Variants in CWF19L2 observed in about 807,000 individuals in gnomAD.
The protein encoded by CWF19L2 is CWF19 like cell cycle control factor 2.
A neutral mutation model predicts 111.7 loss-of-function variants in CWF19L2; 98 were observed. The ratio of observed to expected loss-of-function variants is 0.88; its 90% CI spans 0.75 to 1.04. The LOEUF is 1.04. Among genes scored for constraint, CWF19L2 ranks in the 50% least tolerant of loss-of-function variants. CWF19L2 has a pLI of 0.00. For synonymous variants in CWF19L2, 351 were observed against 342.9 expected (o/e 1.02, Z -0.26); for missense variants, 1,101 against 1,051.4 (o/e 1.05, Z -0.65).
intron 11 of CWF19L2, among the ~76,000 whole-genome samples, chr11:107,391,856 T>C (rs932705749): frequency 1.3e-5 from 2 of 152,324 alleles, no homozygotes; most frequent in South Asian, 4.1e-4. Context: ...CTCTTGTCTT[T>C]TCATTATACT....
At chr11:107,405,560 A>T (rs1861064831) in intron 10 of CWF19L2, among the ~76,000 whole-genome samples, 1 of 146,132 alleles carries the variant, frequency 6.8e-6, no homozygotes, top group Non-Finnish European at 1.6e-5. Flanking sequence ...GAACTAACAA[A>T]AAAAACAGTA....
intron 12 of CWF19L2, among the ~76,000 whole-genome samples, chr11:107,362,646 G>C (rs1860372891): frequency 6.6e-6 from 1 of 151,406 alleles, no homozygotes; most frequent in South Asian, 2.1e-4. Context: ...CAAACAGAAA[G>C]GACATCCACA....
chr11:107,336,315 T>C (rs1405762303), intron 15 of CWF19L2, among the ~76,000 whole-genome samples: 1 of 152,048 alleles, frequency 6.6e-6, no homozygotes, highest in Non-Finnish European at 1.5e-5. Context: ...CCCAGTTAAT[T>C]TTTGTATTTT....
intron 12 of CWF19L2, among the ~76,000 whole-genome samples, chr11:107,357,601 TAC>T (rs1365650452): frequency 3.3e-5 from 5 of 152,212 alleles, no homozygotes; most frequent in Non-Finnish European, 7.4e-5. Context: ...TTGAAAATGA[TAC>T]AGTCTTGCCA....
chr11:107,398,741 C>G (rs7949914), intron 10 of CWF19L2, among the ~76,000 whole-genome samples: 5,582 of 152,246 alleles, frequency 0.037, 138 homozygotes, highest in East Asian at 0.11. Context: ...ATCAGGTTAT[C>G]CCAAGTTAAG....
intron 3 of CWF19L2, among the ~76,000 whole-genome samples, chr11:107,449,837 T>TA (rs1336888195): frequency 6.6e-6 from 1 of 152,062 alleles, no homozygotes; most frequent in African/African-American, 2.4e-5. Flanking sequence ...ATGGTAGACT[T>TA]AAACTCATCC....
At chr11:107,362,466 G>A (rs1444392866) in intron 12 of CWF19L2, among the ~76,000 whole-genome samples, 1 of 152,150 alleles carries the variant, frequency 6.6e-6, no homozygotes, top group Non-Finnish European at 1.5e-5. Context: ...CCAGCACGCA[G>A]CTGGAGATCT....
At chr11:107,441,908 G>A (rs1565286632) in intron 4 of CWF19L2, among the ~76,000 whole-genome samples, 1 of 152,164 alleles carries the variant, frequency 6.6e-6, no homozygotes, top group Non-Finnish European at 1.5e-5. Context: ...CACACAACAA[G>A]CAATCAAACT....
chr11:107,392,242 AT>A (rs1260927741), intron 11 of CWF19L2, among the ~76,000 whole-genome samples: 2 of 152,194 alleles, frequency 1.3e-5, no homozygotes, highest in Non-Finnish European at 2.9e-5. Context: ...CAAATTTAAA[AT>A]AAAAAAAACT....
chr11:107,361,643 G>C (rs969825328), intron 12 of CWF19L2, among the ~76,000 whole-genome samples: 2 of 152,150 alleles, frequency 1.3e-5, no homozygotes, highest in Non-Finnish European at 2.9e-5. Flanking sequence ...TGTCATCTAC[G>C]ATTTCTTTCA....
rs7106946 is a variant in CWF19L2 at position 107,335,679 on chromosome 11, G to A, written c.2359-718C>T. ...AGTAAGACTTCCTATGCTAAGCAATGTGACTACTATTTATGGTAAAGAAAT... is the reference window on the plus strand; with the variant it reads ...AGTAAGACTTCCTATGCTAAGCAATATGACTACTATTTATGGTAAAGAAAT... On this transcript the variant is annotated intron_variant, in intron 15 of 17. Transcript: ENST00000282251. Among the ~76,000 whole-genome samples, 561 of 152,268 alleles carry A rather than the reference G, an allele frequency of 3.7e-3. 2 individuals carry two copies. Among genetic ancestry groups the A allele is most frequent in the African/African-American group, 0.013 (524 of 41,558 alleles).
Position 107,375,408 on chromosome 11 carries a change from T to C in CWF19L2, c.1872+14666A>G, listed in dbSNP as rs1369007269. On this transcript the variant is annotated intron_variant, in intron 12 of 17. Coordinates refer to ENST00000282251, the MANE Select transcript of CWF19L2 (RefSeq NM_152434.3). ...TCAGCAAATGTAAAAGAACAGAAAT[T>C]ATAACAAATTCTCTCTCAGACCACA... Among the ~76,000 whole-genome samples, 26 of 138,284 alleles carry C rather than the reference T, an allele frequency of 1.9e-4. 3 individuals carry two copies. The highest frequency in any genetic ancestry group is 7.4e-3 in the Middle Eastern group (2 of 272). The allele number at this position is 138,284 out of a possible 152,430, so 90.7% of individuals were successfully genotyped here.
At chr11:107,372,986 T>C (rs1164619864) in intron 12 of CWF19L2, among the ~76,000 whole-genome samples, 4 of 78,398 alleles carry the variant, frequency 5.1e-5, no homozygotes, top group African/African-American at 3.4e-4. Context: ...GGGAGTTCCC[T>C]TTCTGAGTCA....
chr11:107,433,763 T>A lies in CWF19L2; in HGVS notation c.665-14A>T, dbSNP rs1242145025. 2 of 1,334,534 alleles carry A rather than the reference T, an allele frequency of 1.5e-6. No individual in the cohort carries two copies. Among genetic ancestry groups the A allele is most frequent in the South Asian group, 2.7e-5 (2 of 74,866 alleles). 82.7% of individuals were successfully genotyped at this position (1,334,534 alleles called of 1,614,324 possible). ...CTACCACTGAAACTAAATTCCAGTA[T>A]TAAATATTAGTTATACTTTTAATGT... On this transcript the variant is annotated splice_polypyrimidine_tract_variant and intron_variant, in intron 6 of 17. Transcript: ENST00000282251.
intron 12 of CWF19L2, among the ~76,000 whole-genome samples, chr11:107,371,220 G>A (rs1454805045): frequency 7.3e-6 from 1 of 136,176 alleles, no homozygotes; most frequent in Non-Finnish European, 1.6e-5. Context: ...AGCCAGGATG[G>A]TATCGACCTC....
chr11:107,336,125 A>G (rs7107173), intron 15 of CWF19L2, among the ~76,000 whole-genome samples: 126,168 of 151,934 alleles, frequency 0.83, 52,937 homozygotes, highest in African/African-American at 0.95. Flanking sequence ...GGAGGCTGAG[A>G]CAGGAGAATT....
intron 10 of CWF19L2, among the ~76,000 whole-genome samples, chr11:107,398,245 G>C (rs1201887365): frequency 6.6e-6 from 1 of 152,156 alleles, no homozygotes; most frequent in Admixed American, 6.5e-5. Flanking sequence ...GGAGGGACCA[G>C]AGAAAGGCAA....
intron 3 of CWF19L2, among the ~76,000 whole-genome samples, chr11:107,450,078 G>A (rs1861757009): frequency 6.6e-6 from 1 of 151,238 alleles, no homozygotes; most frequent in Non-Finnish European, 1.5e-5. Context: ...CAGCCTGGGT[G>A]ACAGTGTGAG....
intron 17 of CWF19L2, among the ~76,000 whole-genome samples, chr11:107,328,003 T>G (rs1859787519): frequency 6.6e-6 from 1 of 151,966 alleles, no homozygotes; most frequent in African/African-American, 2.4e-5. Context: ...ACAGAGATTG[T>G]GGGGTGAAGA....
Sources: gnomAD v4.1 joint callset for allele counts (sites outside exome capture counted in the v4.1 genomes callset) on GRCh38, gnomAD v4.1.1 for gene constraint, MANE v1.5 for transcripts, NCBI Gene and HGNC (gene_info 2026-07-23, HGNC 2026-07-21) for gene names.